The following STON2 variants were observed in gnomAD, a reference collection of about 807,000 sequenced individuals.
STON2 encodes the protein stonin 2.
A neutral mutation model predicts 65.7 loss-of-function variants in STON2; 29 were observed. That is an observed-to-expected ratio of 0.44 (90% CI 0.33 to 0.60). STON2 has a LOEUF of 0.60. Ranked by LOEUF, STON2 falls within the 20% of genes least tolerant of loss-of-function variation. The pLI is 0.03. For synonymous variants in STON2, 404 were observed against 414.2 expected (o/e 0.98, Z 0.30); for missense variants, 1,054 against 1,118.1 (o/e 0.94, Z 0.82).
chr14:81,304,414 AGCTCAC>A (rs1216738018), intron 5 of STON2, among the ~76,000 whole-genome samples: 1 of 152,152 alleles, frequency 6.6e-6, no homozygotes, highest in Non-Finnish European at 1.5e-5. Context: ...AACTTGCCCA[AGCTCAC>A]GCTGTTAGAG....
intron 2 of STON2, among the ~76,000 whole-genome samples, chr14:81,415,473 C>T (rs1021608366): frequency 6.6e-6 from 1 of 151,882 alleles, no homozygotes; most frequent in East Asian, 1.9e-4. Context: ...TGTGCTGAGC[C>T]CTGACCCTCT....
chr14:81,391,795 T>G (rs1333543931), intron 3 of STON2, among the ~76,000 whole-genome samples: 1 of 152,190 alleles, frequency 6.6e-6, no homozygotes, highest in Non-Finnish European at 1.5e-5. Flanking sequence ...GCCTACAGAC[T>G]GGGCATCAAG....
intron 3 of STON2, among the ~76,000 whole-genome samples, chr14:81,385,707 T>C (rs1481644750): frequency 1.3e-5 from 2 of 152,200 alleles, no homozygotes; most frequent in African/African-American, 4.8e-5. Context: ...ATGTCCATCT[T>C]TTCTCTCTCC....
At chr14:81,351,629 T>C (rs1214784259) in intron 4 of STON2, among the ~76,000 whole-genome samples, 1 of 152,248 alleles carries the variant, frequency 6.6e-6, no homozygotes, top group African/African-American at 2.4e-5. Flanking sequence ...AGGTGCAAAA[T>C]TTTGAAGCAT....
chr14:81,355,755 T>C (rs1898202833), intron 4 of STON2, among the ~76,000 whole-genome samples: 1 of 152,194 alleles, frequency 6.6e-6, no homozygotes, highest in Non-Finnish European at 1.5e-5. Context: ...AGGTATTTTA[T>C]TGTCTTTGAA....
chr14:81,307,212 G>A (rs929062181), intron 5 of STON2, among the ~76,000 whole-genome samples: 3 of 152,208 alleles, frequency 2.0e-5, no homozygotes, highest in Non-Finnish European at 4.4e-5. Flanking sequence ...CTAAGCTGGT[G>A]AGCCGTGCAC....
At chr14:81,422,393 G>A (rs1901748112) in intron 2 of STON2, among the ~76,000 whole-genome samples, 1 of 152,156 alleles carries the variant, frequency 6.6e-6, no homozygotes, top group Non-Finnish European at 1.5e-5. Flanking sequence ...CTCACCAGAA[G>A]CAGATGTTGG....
intron 4 of STON2, among the ~76,000 whole-genome samples, chr14:81,349,777 C>A (rs8016255): frequency 1.3e-5 from 2 of 152,000 alleles, no homozygotes; most frequent in East Asian, 3.9e-4. Flanking sequence ...ATCAGCACCC[C>A]CATGTTTATT....
chr14:81,392,895 A>G (rs1282075302), intron 3 of STON2, among the ~76,000 whole-genome samples: 1 of 152,208 alleles, frequency 6.6e-6, no homozygotes, highest in Non-Finnish European at 1.5e-5. Context: ...ACAATGGCCA[A>G]AAGTTTCATC....
chr14:81,432,927 C>T (rs1041622016), intron 1 of STON2, among the ~76,000 whole-genome samples: 1 of 152,162 alleles, frequency 6.6e-6, no homozygotes, highest in African/African-American at 2.4e-5. Context: ...ATCTTAATGT[C>T]TCCCCTTAGT....
In STON2 at chr14:81,346,942, C is replaced by T. The variant is rs528812112; in HGVS notation, c.572-22755G>A. Among the ~76,000 whole-genome samples the T allele has an allele frequency of 1.2e-4, 18 of 152,078 alleles. 1 individual carries two copies. In the South Asian group the frequency reaches 1.9e-3, roughly 16 times the overall value. The stretch of plus-strand genomic sequence containing the variant: ...GCAGGGCTAAGAGGGAAACAATAAA[C>T]GTATACATCAAAAAATTAGAAGATT... On this transcript the variant is annotated intron_variant, in intron 4 of 7. Transcript: ENST00000614646.
chr14:81,386,927 A>G (rs1221703969), intron 3 of STON2, among the ~76,000 whole-genome samples: 1 of 152,202 alleles, frequency 6.6e-6, no homozygotes, highest in East Asian at 1.9e-4. Context: ...GAACAGTATA[A>G]AGATTTTGGA....
At chr14:81,376,874 C>G (rs1040082505) in intron 3 of STON2, among the ~76,000 whole-genome samples, 2 of 152,092 alleles carry the variant, frequency 1.3e-5, no homozygotes, top group Non-Finnish European at 2.9e-5. Context: ...ATTATTGTCC[C>G]CCTAAGGAAA....
At chr14:81,286,804 A>C (rs2140144258) in intron 5 of STON2, among the ~76,000 whole-genome samples, 1 of 152,336 alleles carries the variant, frequency 6.6e-6, no homozygotes, top group East Asian at 1.9e-4. Flanking sequence ...AGAAATAGTA[A>C]AACTTGACCT....
rs369080053 is a variant in STON2 at position 81,296,813 on chromosome 14, T to C, written c.743-18074A>G. Among the ~76,000 whole-genome samples, 3 of 152,306 alleles carry C rather than the reference T, an allele frequency of 2.0e-5. No homozygotes were observed. The South Asian group carries it at 6.2e-4, about 32-fold the overall frequency. ...AATACACAAGTCAGCATGCATTTGA[T>C]AAATGTTGATGGCAAATAAAGAACA... On this transcript the variant is annotated intron_variant, in intron 5 of 7. Coordinates refer to ENST00000614646, the MANE Select transcript of STON2 (RefSeq NM_001394390.1).
chr14:81,326,189 T>C (rs1219311887), intron 4 of STON2, among the ~76,000 whole-genome samples: 1 of 152,206 alleles, frequency 6.6e-6, no homozygotes, highest in Admixed American at 6.5e-5. Flanking sequence ...GCTGTGTTCC[T>C]AAAAGCCACA....
intron 5 of STON2, among the ~76,000 whole-genome samples, chr14:81,309,262 C>T (rs1287922545): frequency 2.6e-5 from 4 of 151,554 alleles, no homozygotes; most frequent in Non-Finnish European, 5.9e-5. Context: ...TTATTATTGG[C>T]TTTAAACAAA....
chr14:81,333,299 T>A, intron 4 of STON2: 1 of 673,704 alleles, frequency 1.5e-6, no homozygotes, highest in Non-Finnish European at 2.7e-6. Flanking sequence ...TGACCATTTG[T>A]TTCCTCTGAA....
At position 81,267,438 on chromosome 14, in the gene STON2, T is replaced by A; in HGVS notation, c.*976A>T. On this transcript the variant is annotated 3_prime_UTR_variant, in exon 8 of 8. Coordinates refer to ENST00000614646, the MANE Select transcript of STON2 (RefSeq NM_001394390.1). ...TTATCTTTGCAGCTTAAATTTCCTATAAAGTTGGGTTAAAGGGACATGCAA... is the reference window on the plus strand; with the variant it reads ...TTATCTTTGCAGCTTAAATTTCCTAAAAAGTTGGGTTAAAGGGACATGCAA... 1 of 985,252 alleles carries A rather than the reference T, an allele frequency of 1.0e-6. No homozygotes were observed. The highest frequency in any genetic ancestry group is 1.2e-6 in the Non-Finnish European group (1 of 829,888). The allele number at this position is 985,252 out of a possible 1,614,324, so 61.0% of individuals were successfully genotyped here. A position where few individuals can be genotyped will look rare whatever the true frequency, so the allele number is the denominator to read the frequency against.
Sources: allele counts gnomAD v4.1 joint callset (sites outside exome capture counted in the v4.1 genomes callset), GRCh38; gene constraint gnomAD v4.1.1; transcripts MANE v1.5; gene names NCBI Gene and HGNC (gene_info 2026-07-23, HGNC 2026-07-21).